Variants in CCSER1 observed in about 807,000 individuals in gnomAD.
CCSER1 encodes serine-rich coiled-coil domain-containing protein 1.
CCSER1 carries 41 observed loss-of-function variants against 82.0 expected under a neutral mutation model. The ratio of observed to expected loss-of-function variants is 0.50; its 90% CI spans 0.39 to 0.65. The LOEUF is 0.65. CCSER1 is among the 30% of genes least tolerant of loss of function. The pLI is 0.00. For missense variants in CCSER1, 1,119 were observed against 1,064.2 expected (o/e 1.05, Z -0.72); for synonymous variants, 414 against 383.9 (o/e 1.08, Z -0.92).
At chr4:91,482,396 G>A (rs1474537953) in intron 10 of CCSER1, among the ~76,000 whole-genome samples, 7 of 48,256 alleles carry the variant, frequency 1.5e-4, no homozygotes, top group Admixed American at 9.8e-4. Context: ...GTGACAGAGC[G>A]AGACTCCGTC....
At chr4:91,585,156 C>T (rs1465312788) in intron 10 of CCSER1, among the ~76,000 whole-genome samples, 4 of 151,464 alleles carry the variant, frequency 2.6e-5, no homozygotes, top group South Asian at 2.1e-4. Flanking sequence ...AAACATCCTA[C>T]TTCACCTTAG....
intron 8 of CCSER1, among the ~76,000 whole-genome samples, chr4:90,921,991 C>T (rs1013800217): frequency 6.6e-6 from 1 of 151,832 alleles, no homozygotes. Flanking sequence ...TTGGAAAATG[C>T]AGCCACATTT....
intron 10 of CCSER1, among the ~76,000 whole-genome samples, chr4:91,383,182 A>C (rs1018066853): frequency 6.6e-6 from 1 of 152,164 alleles, no homozygotes; most frequent in East Asian, 1.9e-4. Flanking sequence ...TCAGCTACCA[A>C]ACCTGCAATA....
chr4:91,426,114 C>T (rs1204755472), intron 10 of CCSER1, among the ~76,000 whole-genome samples: 1 of 152,110 alleles, frequency 6.6e-6, no homozygotes, highest in Non-Finnish European at 1.5e-5. Context: ...GTTCAACTCC[C>T]ACTATGAGTG....
intron 1 of CCSER1, among the ~76,000 whole-genome samples, chr4:90,268,952 A>C (rs1725751163): frequency 6.6e-6 from 1 of 152,168 alleles, no homozygotes; most frequent in Non-Finnish European, 1.5e-5. Flanking sequence ...AGAGGCAAAG[A>C]GGGACATTAT....
At chr4:90,362,715 C>T (rs1024333502) in intron 3 of CCSER1, among the ~76,000 whole-genome samples, 1 of 152,090 alleles carries the variant, frequency 6.6e-6, no homozygotes, top group Non-Finnish European at 1.5e-5. Flanking sequence ...CACAGACGTC[C>T]CTCTGTGTTT....
At position 91,179,819 on chromosome 4, in the gene CCSER1, C is replaced by T. The variant is rs141110380; in HGVS notation, c.2217+93825C>T. Among the ~76,000 whole-genome samples, 1,079 of 152,358 alleles carry T rather than the reference C, an allele frequency of 7.1e-3. 12 individuals are homozygous for T. Among genetic ancestry groups the T allele is most frequent in the African/African-American group, 0.025 (1,039 of 41,592 alleles). On this transcript the variant is annotated intron_variant, in intron 10 of 10. Transcript: ENST00000509176. ...CCTTCTTCTCTGAACTCGTCAAAGTCATTCTCTGTCTAGCCTTGTTCCATT... is the reference window on the plus strand; with the variant it reads ...CCTTCTTCTCTGAACTCGTCAAAGTTATTCTCTGTCTAGCCTTGTTCCATT...
chr4:91,067,169 GAAAA>G (rs925973039), intron 9 of CCSER1, among the ~76,000 whole-genome samples: 1 of 138,106 alleles, frequency 7.2e-6, no homozygotes, highest in Non-Finnish European at 1.6e-5. Flanking sequence ...GTCTCAAAAA[GAAAA>G]AAAAAAGAAT....
chr4:91,428,010 T>TTC (rs1325626201), intron 10 of CCSER1, among the ~76,000 whole-genome samples: 2 of 152,056 alleles, frequency 1.3e-5, no homozygotes, highest in Non-Finnish European at 2.9e-5. Context: ...ATAAAAGTGA[T>TTC]TCTACACTCA....
chr4:90,317,537 G>A (rs976892355), intron 3 of CCSER1, among the ~76,000 whole-genome samples: 6 of 152,180 alleles, frequency 3.9e-5, no homozygotes, highest in Non-Finnish European at 5.9e-5. Flanking sequence ...CAGGAGAATT[G>A]CCTGAACCTG....
intron 1 of CCSER1, among the ~76,000 whole-genome samples, chr4:90,299,540 T>G (rs1348995887): frequency 6.6e-6 from 1 of 152,124 alleles, no homozygotes; most frequent in Non-Finnish European, 1.5e-5. Flanking sequence ...GATCATCCAC[T>G]TGGTCCAGAT....
chr4:90,438,485 T>C (rs1467668608), intron 4 of CCSER1, among the ~76,000 whole-genome samples: 2 of 152,010 alleles, frequency 1.3e-5, no homozygotes, highest in Non-Finnish European at 2.9e-5. Flanking sequence ...GTTAAGGTGA[T>C]TTACCAAAAA....
At chr4:90,545,023 T>C (rs1776593098) in intron 5 of CCSER1, among the ~76,000 whole-genome samples, 1 of 151,802 alleles carries the variant, frequency 6.6e-6, no homozygotes, top group African/African-American at 2.4e-5. Context: ...TGTAGATTCA[T>C]GGAGAAAAGC....
At chr4:90,723,776 A>G (rs1743129439) in intron 6 of CCSER1, 138 bp from the exon 7 acceptor site, 1 of 417,054 alleles carries the variant, frequency 2.4e-6, no homozygotes, top group East Asian at 3.6e-5. Context: ...GATTAAATCT[A>G]CGTTAAATCT....
At chr4:91,414,309 A>G (rs376499686) in intron 10 of CCSER1, among the ~76,000 whole-genome samples, 1 of 152,266 alleles carries the variant, frequency 6.6e-6, no homozygotes, top group African/African-American at 2.4e-5. Context: ...GGCAGTGAAA[A>G]TGTAGAGTTC....
intron 10 of CCSER1, among the ~76,000 whole-genome samples, chr4:91,524,802 G>A (rs1516704): frequency 0.64 from 97,733 of 152,000 alleles, 31,604 homozygotes; most frequent in East Asian, 0.72. Flanking sequence ...AGGTAATGCA[G>A]AGTCTTAAAC....
At chr4:90,521,543 C>T (rs965405778) in intron 5 of CCSER1, among the ~76,000 whole-genome samples, 3 of 151,976 alleles carry the variant, frequency 2.0e-5, no homozygotes, top group Non-Finnish European at 2.9e-5. Context: ...CACTGGAGAG[C>T]GCAATGTATG....
chr4:90,702,671 G>A (rs565892073), intron 6 of CCSER1, among the ~76,000 whole-genome samples: 48 of 152,152 alleles, frequency 3.2e-4, no homozygotes, highest in African/African-American at 1.1e-3. Flanking sequence ...GTCTATTAAC[G>A]GATTCAACTT....
intron 10 of CCSER1, among the ~76,000 whole-genome samples, chr4:91,187,742 G>C (rs1314048424): frequency 1.3e-5 from 2 of 152,132 alleles, no homozygotes; most frequent in South Asian, 4.1e-4. Flanking sequence ...TAGTAGAGCT[G>C]TGGTTTCACC....
Sources: gnomAD v4.1 joint callset for allele counts (sites outside exome capture counted in the v4.1 genomes callset) on GRCh38, gnomAD v4.1.1 for gene constraint, MANE v1.5 for transcripts, NCBI Gene and HGNC (gene_info 2026-07-23, HGNC 2026-07-21) for gene names.